Variants in USO1 observed in about 807,000 individuals in gnomAD.
USO1 encodes the protein USO1 vesicle transport factor.
Under a neutral mutation model 124.5 loss-of-function variants are expected in USO1, and 57 were observed. The ratio of observed to expected loss-of-function variants is 0.46; its 90% CI spans 0.37 to 0.57. The LOEUF (loss-of-function observed/expected upper bound fraction) is 0.57, where lower values mean the gene tolerates loss of function less well. Among genes scored for constraint, USO1 ranks in the 20% least tolerant of loss-of-function variants. The pLI, the probability that USO1 is intolerant of heterozygous loss-of-function variation, is 0.00. For synonymous variants in USO1, 369 were observed against 362.8 expected (o/e 1.02, Z -0.19); for missense variants, 900 against 1,040.6 (o/e 0.86, Z 1.86).
At chr4:75,811,785 A>G (rs1723158304) in intron 22 of USO1, among the ~76,000 whole-genome samples, 1 of 152,154 alleles carries the variant, frequency 6.6e-6, no homozygotes, top group Non-Finnish European at 1.5e-5. Context: ...ATTTTTTTTT[A>G]ACTTGAGCTT....
chr4:75,754,106 G>A (rs1305737385), intron 3 of USO1, among the ~76,000 whole-genome samples: 1 of 134,106 alleles, frequency 7.5e-6, no homozygotes, highest in Non-Finnish European at 1.6e-5. Flanking sequence ...TTTTCAGATA[G>A]AGTTTCGCTC....
At chr4:75,781,839 C>T (rs1722230250) in intron 8 of USO1, among the ~76,000 whole-genome samples, 1 of 152,154 alleles carries the variant, frequency 6.6e-6, no homozygotes, top group African/African-American at 2.4e-5. Context: ...GATGAGCTTA[C>T]TTGTCGTTAC....
intron 3 of USO1, among the ~76,000 whole-genome samples, chr4:75,754,416 T>G (rs1280513796): frequency 6.6e-6 from 1 of 152,220 alleles, no homozygotes; most frequent in Non-Finnish European, 1.5e-5. Context: ...TATCTCCATC[T>G]TTGGTTTTCA....
intron 1 of USO1, among the ~76,000 whole-genome samples, chr4:75,736,307 C>CTTTT (rs775201813): frequency 6.3e-5 from 4 of 63,276 alleles, no homozygotes; most frequent in East Asian, 5.1e-4. Flanking sequence ...TACAGCTTAC[C>CTTTT]TTTTTTTTTT....
At chr4:75,786,694 C>T (rs540132163) in intron 9 of USO1, among the ~76,000 whole-genome samples, 1 of 152,184 alleles carries the variant, frequency 6.6e-6, no homozygotes, top group African/African-American at 2.4e-5. Context: ...CAGACCTGCT[C>T]TCTTACTAGG....
chr4:75,726,711 T>C (rs1311361025), intron 1 of USO1, among the ~76,000 whole-genome samples: 1 of 152,250 alleles, frequency 6.6e-6, no homozygotes, highest in Admixed American at 6.5e-5. Flanking sequence ...CACTCATCCA[T>C]TCCCACTTGG....
chr4:75,803,087 C>A (rs374727837), intron 17 of USO1, among the ~76,000 whole-genome samples: 308 of 111,260 alleles, frequency 2.8e-3, no homozygotes, highest in African/African-American at 4.7e-3. Flanking sequence ...AACTCTGTCT[C>A]AAAAAAAAAA....
Position 75,790,801 on chromosome 4 carries a change from A to G in USO1, c.1240+4A>G. ...CTTTTACCTTCTACCATTGATGGTA[A>G]ATAATTTAGTTCTAATTTTTATTTG... is the stretch of plus-strand genomic sequence containing the variant. On this transcript the variant is annotated splice_donor_region_variant and intron_variant, in intron 12 of 23. Coordinates refer to ENST00000514213, the MANE Select transcript of USO1 (RefSeq NM_003715.4). 1 of 1,572,174 alleles carries G rather than the reference A, an allele frequency of 6.4e-7. No homozygotes were observed. The highest frequency in any genetic ancestry group is 8.6e-7 in the Non-Finnish European group (1 of 1,162,896).
intron 3 of USO1, among the ~76,000 whole-genome samples, chr4:75,753,780 ATTT>A (rs1180101340): frequency 2.4e-5 from 3 of 125,698 alleles, no homozygotes; most frequent in Non-Finnish European, 3.3e-5. Flanking sequence ...AGCTCTTTCA[ATTT>A]TTTTTTTTTT....
Position 75,783,005 on chromosome 4 carries a change from T to C in USO1, c.855+147T>C, listed in dbSNP as rs116151502. On this transcript the variant is annotated intron_variant, in intron 9 of 23. Coordinates refer to ENST00000514213, the MANE Select transcript of USO1 (RefSeq NM_003715.4). The stretch of plus-strand genomic sequence containing the variant: ...ACTGTAATATGGAAATTTGCAGTTA[T>C]CCTCTAGCTAGAGATCTTGCCTACC... The C allele has an allele frequency of 6.0e-4, 682 of 1,145,678 alleles. 1 individual carries two copies. The African/African-American group carries it at 9.9e-3, about 17-fold the overall frequency. The allele number at this position is 1,145,678 out of a possible 1,614,324, so 71.0% of individuals were successfully genotyped here. A position where few individuals can be genotyped will look rare whatever the true frequency, so the allele number is the denominator to read the frequency against.
At chr4:75,729,600 C>G (rs1000421309) in intron 1 of USO1, among the ~76,000 whole-genome samples, 1 of 152,192 alleles carries the variant, frequency 6.6e-6, no homozygotes, top group East Asian at 1.9e-4. Flanking sequence ...CTCGGCCTCT[C>G]AAAGTGCTAG....
At chr4:75,803,036 G>A (rs1198762243) in intron 17 of USO1, among the ~76,000 whole-genome samples, 4 of 136,982 alleles carry the variant, frequency 2.9e-5, no homozygotes, top group African/African-American at 1.1e-4. Context: ...ACAGTGAGCC[G>A]AGATCGCACC....
intron 4 of USO1, among the ~76,000 whole-genome samples, chr4:75,766,017 G>A (rs1486305293): frequency 6.6e-6 from 1 of 152,094 alleles, no homozygotes; most frequent in East Asian, 1.9e-4. Flanking sequence ...TTTTCCTGAA[G>A]TGGAAGTAGT....
chr4:75,789,370 T>C (rs775016181), intron 10 of USO1, among the ~76,000 whole-genome samples: 1 of 152,166 alleles, frequency 6.6e-6, no homozygotes, highest in Non-Finnish European at 1.5e-5. Context: ...CTCCACCTTC[T>C]GGGTTCAAGC....
chr4:75,725,025 C>T, intron 1 of USO1, 140 bp downstream of exon 1: 1 of 851,302 alleles, frequency 1.2e-6, no homozygotes, highest in Non-Finnish European at 1.8e-6. Flanking sequence ...TGCCCTCCTT[C>T]CGCTCCTGAA....
intron 3 of USO1, among the ~76,000 whole-genome samples, chr4:75,755,282 G>A (rs763611462): frequency 5.4e-4 from 82 of 152,198 alleles, no homozygotes; most frequent in Non-Finnish European, 1.1e-3. Context: ...TTTTTGAAAA[G>A]AGATGAATCG....
intron 20 of USO1, among the ~76,000 whole-genome samples, chr4:75,808,241 T>A (rs2149195231): frequency 6.6e-6 from 1 of 152,312 alleles, no homozygotes; most frequent in Admixed American, 6.5e-5. Flanking sequence ...AAACTTTCAA[T>A]TAATACCCTG....
intron 1 of USO1, among the ~76,000 whole-genome samples, chr4:75,725,224 C>T (rs997729581): frequency 6.6e-6 from 1 of 152,184 alleles, no homozygotes; most frequent in South Asian, 2.1e-4. Flanking sequence ...CCACGCCCCT[C>T]GGGGCCGTGG....
chr4:75,728,858 G>A (rs1384036816), intron 1 of USO1, among the ~76,000 whole-genome samples: 2 of 151,432 alleles, frequency 1.3e-5, no homozygotes, highest in East Asian at 2.0e-4. Context: ...GAGTGCAGTG[G>A]CGCAATCTTG....
Sources: gnomAD v4.1 joint callset for allele counts (sites outside exome capture counted in the v4.1 genomes callset) on GRCh38, gnomAD v4.1.1 for gene constraint, MANE v1.5 for transcripts, NCBI Gene and HGNC (gene_info 2026-07-23, HGNC 2026-07-21) for gene names.